The following SRPK1 variants were observed in gnomAD, a reference collection of about 807,000 sequenced individuals.
SRPK1 encodes the protein SFRS protein kinase 1.
SRPK1 carries 52 observed loss-of-function variants against 89.5 expected under a neutral mutation model. The ratio of observed to expected loss-of-function variants is 0.58; its 90% CI spans 0.46 to 0.73. SRPK1 has a LOEUF of 0.73. SRPK1 is among the 30% of genes least tolerant of loss of function. SRPK1 has a pLI of 0.00. For synonymous variants in SRPK1, 255 were observed against 270.2 expected, an observed-to-expected ratio of 0.94 and a Z score of 0.55; for missense variants, 603 against 780.6, an observed-to-expected ratio of 0.77 and a Z score of 2.71.
At chr6:35,861,419 G>A (rs1769780327) in intron 12 of SRPK1, among the ~76,000 whole-genome samples, 1 of 152,222 alleles carries the variant, frequency 6.6e-6, no homozygotes, top group East Asian at 1.9e-4. Context: ...AGCGGCTTCA[G>A]CTGGGTGCCA....
At chr6:35,840,905 G>C (rs953794960) in intron 14 of SRPK1, among the ~76,000 whole-genome samples, 3 of 152,088 alleles carry the variant, frequency 2.0e-5, no homozygotes, top group African/African-American at 7.2e-5. Flanking sequence ...TAGGGAAGAT[G>C]GTTTTTCCTT....
chr6:35,870,405 A>T lies in SRPK1; in HGVS notation c.867T>A (p.Ile289=), dbSNP rs1024754371. ...AELLEKRMQE[I]EEMEKESGPG... ...GGCCCGACTCTTTCTCCATTTCCTC[A>T]ATTTCCTGCATTCGCTTCTCTAGTA... Residue 289 remains isoleucine, a synonymous_variant, in exon 10 of 16, where the codon ATT becomes ATA. Transcript: ENST00000373825. 6 of 1,583,842 alleles carry T rather than the reference A, an allele frequency of 3.8e-6. No individual in the cohort carries two copies. The highest frequency in any genetic ancestry group is 1.7e-4 in the Middle Eastern group (1 of 6,016).
At chr6:35,858,494 TA>T (rs1769712542) in intron 12 of SRPK1, among the ~76,000 whole-genome samples, 1 of 152,070 alleles carries the variant, frequency 6.6e-6, no homozygotes. Flanking sequence ...AAGTTTCATA[TA>T]AAGATCAAGA....
At chr6:35,838,058 C>A (rs550761190) in intron 15 of SRPK1, among the ~76,000 whole-genome samples, 5 of 151,958 alleles carry the variant, frequency 3.3e-5, no homozygotes, top group Non-Finnish European at 7.4e-5. Context: ...TTAGTAGAGA[C>A]GGGGTTTCAC....
intron 2 of SRPK1, 65 bp downstream of exon 2, chr6:35,920,403 A>G: frequency 6.3e-7 from 1 of 1,581,772 alleles, no homozygotes; most frequent in Non-Finnish European, 8.7e-7. Context: ...TCAAGACGTG[A>G]AACCAGAGCA....
intron 13 of SRPK1, among the ~76,000 whole-genome samples, chr6:35,844,089 C>T (rs1480895544): frequency 6.7e-6 from 1 of 149,662 alleles, no homozygotes; most frequent in Non-Finnish European, 1.5e-5. Context: ...ACTGCAAGCT[C>T]CGCCTCCCAG....
intron 2 of SRPK1, among the ~76,000 whole-genome samples, chr6:35,897,735 C>T (rs78998602): frequency 0.012 from 1,853 of 152,238 alleles, 35 homozygotes; most frequent in African/African-American, 0.043. Context: ...AAGTCTCAAA[C>T]TCCTGGGCCC....
intron 9 of SRPK1, 125 bp downstream of exon 9, chr6:35,870,809 G>C (rs1489101496): frequency 2.5e-6 from 2 of 808,930 alleles, no homozygotes; most frequent in Non-Finnish European, 3.8e-6. Flanking sequence ...GAAAATTATA[G>C]AAGCGCAGGA....
At chr6:35,911,042 A>T (rs754931539) in intron 2 of SRPK1, among the ~76,000 whole-genome samples, 1 of 152,232 alleles carries the variant, frequency 6.6e-6, no homozygotes, top group Non-Finnish European at 1.5e-5. Flanking sequence ...CAGCCCATGG[A>T]TCAAGGAGTC....
intron 7 of SRPK1, among the ~76,000 whole-genome samples, chr6:35,873,061 T>A (rs1312401369): frequency 6.6e-6 from 1 of 152,138 alleles, no homozygotes; most frequent in African/African-American, 2.4e-5. Context: ...CTGACAGACA[T>A]TTAGATATCT....
chr6:35,904,854 G>A (rs1016382107), intron 2 of SRPK1: 7 of 253,898 alleles, frequency 2.8e-5, no homozygotes, highest in Non-Finnish European at 5.5e-5. Flanking sequence ...AAATAAAGTC[G>A]TGGGCTGGGC....
Position 35,869,590 on chromosome 6 carries a change from G to A in SRPK1, c.1303C>T (p.Gln435Ter), listed in dbSNP as rs754080884. 6.8e-6 allele frequency: 11 copies of A among 1,613,982 alleles called. No homozygotes were observed. Among genetic ancestry groups the A allele is most frequent in the Non-Finnish European group, 9.3e-6 (11 of 1,179,888 alleles). The change falls in exon 11 of 16, where the codon CAG becomes TAG. Residue 435 changes from glutamine (Q) to a stop codon, truncating the protein, a stop_gained. Coordinates refer to ENST00000373825, the MANE Select transcript of SRPK1 (RefSeq NM_003137.5). LOFTEE classifies it high-confidence loss of function. ...MVCQSSSTVG[Q>*]SFSEQHISQL... is the part of the protein sequence containing the mutation. Reference sequence around the variant, plus strand: ...CTAATGTGTTGTTCACTGAATGACTGACCTACAGTTGAGGAAGACTGGCAC... The same window carrying A: ...CTAATGTGTTGTTCACTGAATGACTAACCTACAGTTGAGGAAGACTGGCAC...
intron 2 of SRPK1, among the ~76,000 whole-genome samples, chr6:35,915,584 G>C (rs79642791): frequency 0.068 from 10,349 of 152,064 alleles, 498 homozygotes; most frequent in Middle Eastern, 0.15. Context: ...TGAAAAACTG[G>C]AAACAGCCCA....
chr6:35,888,776 T>C, intron 4 of SRPK1, 39 bp downstream of exon 4: 1 of 1,256,510 alleles, frequency 8.0e-7, no homozygotes, highest in Non-Finnish European at 1.2e-6. Context: ...CATTTAGACA[T>C]CATCTAACTA....
intron 13 of SRPK1, among the ~76,000 whole-genome samples, chr6:35,844,846 A>G (rs902907280): frequency 6.6e-6 from 1 of 152,162 alleles, no homozygotes; most frequent in Admixed American, 6.6e-5. Flanking sequence ...TATAGAGTTC[A>G]GTAAAAATAC....
At chr6:35,917,767 A>G (rs1010110057) in intron 2 of SRPK1, among the ~76,000 whole-genome samples, 1 of 152,206 alleles carries the variant, frequency 6.6e-6, no homozygotes, top group Non-Finnish European at 1.5e-5. Flanking sequence ...TAACAGTTCC[A>G]AAACTTTCTA....
At chr6:35,900,239 A>C (rs1010238601) in intron 2 of SRPK1, among the ~76,000 whole-genome samples, 1 of 152,160 alleles carries the variant, frequency 6.6e-6, no homozygotes, top group African/African-American at 2.4e-5. Flanking sequence ...CTCTCGCCTT[A>C]TGTGTAAAAT....
chr6:35,855,700 T>C (rs148531674), intron 13 of SRPK1, among the ~76,000 whole-genome samples: 76 of 152,278 alleles, frequency 5.0e-4, no homozygotes, highest in African/African-American at 1.7e-3. Context: ...TTGGACCATA[T>C]CTAAGTTTAT....
At chr6:35,898,481 C>A (rs560381733) in intron 2 of SRPK1, among the ~76,000 whole-genome samples, 72 of 152,314 alleles carry the variant, frequency 4.7e-4, no homozygotes, top group African/African-American at 1.6e-3. Context: ...CTAAAGAACT[C>A]ATTCATGTAA....
Sources: allele counts gnomAD v4.1 joint callset (sites outside exome capture counted in the v4.1 genomes callset), GRCh38; gene constraint gnomAD v4.1.1; transcripts MANE v1.5; gene names NCBI Gene and HGNC (gene_info 2026-07-23, HGNC 2026-07-21).